Variants in H2AC11 observed in about 807,000 individuals in gnomAD.
H2AC11 encodes H2A clustered histone 11.
A neutral mutation model predicts 5.9 loss-of-function variants in H2AC11; 8 were observed. That is an observed-to-expected ratio of 1.35 (90% CI 0.79 to 2.44). The LOEUF (loss-of-function observed/expected upper bound fraction) is 2.44, where lower values mean the gene tolerates loss of function less well. Among genes scored for constraint, H2AC11 ranks in the 30% most tolerant of loss-of-function variants. The probability of loss-of-function intolerance (pLI) is 0.00; values close to 1 mark genes in which losing one functional copy is unlikely to be tolerated. For synonymous variants in H2AC11, 161 were observed against 81.9 expected, an observed-to-expected ratio of 1.96 and a Z score of -5.21; for missense variants, 189 against 178.6, an observed-to-expected ratio of 1.06 and a Z score of -0.33.
chr6:27,133,115 C>G lies in H2AC11; in HGVS notation c.44C>G (p.Ala15Gly). The change falls in exon 1 of 1, where the codon GCC (alanine) becomes GGC (glycine). Residue 15 changes from alanine to glycine, a missense_variant. By Grantham distance (60) the Ala-to-Gly change is moderately conservative (BLOSUM62 0). Coordinates refer to ENST00000359193, the MANE Select transcript of H2AC11 (RefSeq NM_021064.5). Reference protein sequence around the residue: ...GKQGGKARAKAKTRSSRAGLQ... With the variant: ...GKQGGKARAKGKTRSSRAGLQ... ...CAGGGAGGCAAAGCCCGCGCTAAGGCCAAGACTCGCTCTTCTAGGGCCGGT... is the reference window on the plus strand; with the variant it reads ...CAGGGAGGCAAAGCCCGCGCTAAGGGCAAGACTCGCTCTTCTAGGGCCGGT... 1 of 1,613,910 alleles carries G rather than the reference C, an allele frequency of 6.2e-7. No individual in the cohort carries two copies. Among genetic ancestry groups the G allele is most frequent in the Non-Finnish European group, 8.5e-7 (1 of 1,179,898 alleles).
Position 27,133,043 on chromosome 6 carries a change from G to T in H2AC11, c.-29G>T, listed in dbSNP as rs750824357. 2.0e-5 allele frequency: 31 copies of T among 1,582,616 alleles called. No homozygotes were observed. The East Asian group carries it at 7.0e-4, about 36-fold the overall frequency. Reference sequence around the variant, plus strand: ...AAGCGCCGCCTTTCCCGTTCACTTTGTGGTTGCTCGTAGTGAGTTGCGCTC... The same window carrying T: ...AAGCGCCGCCTTTCCCGTTCACTTTTTGGTTGCTCGTAGTGAGTTGCGCTC... On this transcript the variant is annotated 5_prime_UTR_variant, in exon 1 of 1. Coordinates refer to ENST00000359193, the MANE Select transcript of H2AC11 (RefSeq NM_021064.5).
Position 27,133,214 on chromosome 6 carries a change from C to T in H2AC11, c.143C>T (p.Ala48Val). The T allele has an allele frequency of 6.2e-7, 1 of 1,614,038 alleles. No individual in the cohort carries two copies. Reference protein sequence around the residue: ...GNYAERVGAGAPVYLAAVLEY... With the variant: ...GNYAERVGAGVPVYLAAVLEY... ...TATGCCGAGCGGGTCGGGGCCGGCGCGCCGGTGTATCTGGCAGCGGTGCTG... is the reference window on the plus strand; with the variant it reads ...TATGCCGAGCGGGTCGGGGCCGGCGTGCCGGTGTATCTGGCAGCGGTGCTG... Residue 48 changes from alanine to valine, a missense_variant, in exon 1 of 1, where the codon GCG becomes GTG. Ala to Val is a moderately conservative substitution (Grantham distance 64, BLOSUM62 0). Transcript: ENST00000359193.
rs994761497 is a variant in H2AC11 at position 27,133,365 on chromosome 6, G to A, written c.294G>A (p.Leu98=). Residue 98 remains leucine (L), a synonymous_variant, in exon 1 of 1, where the codon CTG becomes CTA. Coordinates refer to ENST00000359193, the MANE Select transcript of H2AC11 (RefSeq NM_021064.5). ...IRNDEELNKL[L]GKVTIAQGGV... ...ACGACGAGGAGCTCAACAAGCTGCT[G>A]GGCAAAGTCACCATCGCACAGGGCG... 2.5e-6 allele frequency: 4 copies of A among 1,614,086 alleles called. No individual in the cohort carries two copies. The highest frequency in any genetic ancestry group is 2.7e-5 in the African/African-American group (2 of 74,932).
chr6:27,133,061 T>G lies in H2AC11; in HGVS notation c.-11T>G. 1.2e-6 allele frequency: 2 copies of G among 1,601,604 alleles called. No individual in the cohort carries two copies. The highest frequency in any genetic ancestry group is 2.2e-5 in the East Asian group (1 of 44,686). The stretch of plus-strand genomic sequence containing the variant: ...TCACTTTGTGGTTGCTCGTAGTGAG[T>G]TGCGCTCGCTATGTCTGGACGTGGC... On this transcript the variant is annotated 5_prime_UTR_variant, in exon 1 of 1. Coordinates refer to ENST00000359193, the MANE Select transcript of H2AC11 (RefSeq NM_021064.5).
chr6:27,133,438 A>G lies in H2AC11; in HGVS notation c.367A>G (p.Ser123Gly). The change falls in exon 1 of 1, where the codon AGC (serine) becomes GGC (glycine). Residue 123 changes from serine to glycine, a missense_variant. Coordinates refer to ENST00000359193, the MANE Select transcript of H2AC11 (RefSeq NM_021064.5). ...CGTGCTACTGCCCAAAAAGACTGAG[A>G]GCCACCACAAGGCGAAGGGCAAGTA... Reference protein sequence around the residue: ...QAVLLPKKTESHHKAKGK With the variant: ...QAVLLPKKTEGHHKAKGK 1.2e-6 allele frequency: 2 copies of G among 1,614,188 alleles called. No homozygotes were observed. The highest frequency in any genetic ancestry group is 1.7e-6 in the Non-Finnish European group (2 of 1,179,978).
chr6:27,133,079 G>A lies in H2AC11; in HGVS notation c.8G>A (p.Gly3Glu). MS[G>E]RGKQGGKARA... ...TAGTGAGTTGCGCTCGCTATGTCTG[G>A]ACGTGGCAAGCAGGGAGGCAAAGCC... The change falls in exon 1 of 1, where the codon GGA (glycine) becomes GAA (glutamate). Residue 3 changes from glycine (G) to glutamate (E), a missense_variant. Transcript: ENST00000359193. 1 of 1,611,392 alleles carries A rather than the reference G, an allele frequency of 6.2e-7. No homozygotes were observed. Among genetic ancestry groups the A allele is most frequent in the Non-Finnish European group, 8.5e-7 (1 of 1,178,288 alleles).
chr6:27,133,179 C>G lies in H2AC11; in HGVS notation c.108C>G (p.Arg36=), dbSNP rs1185086066. 1 of 1,614,114 alleles carries G rather than the reference C, an allele frequency of 6.2e-7. No individual in the cohort carries two copies. The highest frequency in any genetic ancestry group is 1.7e-5 in the Admixed American group (1 of 60,032). The change falls in exon 1 of 1, where the codon CGC becomes CGG. Residue 36 remains arginine (R), a synonymous_variant. Coordinates refer to ENST00000359193, the MANE Select transcript of H2AC11 (RefSeq NM_021064.5). ...FPVGRVHRLL[R]KGNYAERVGA... Reference sequence around the variant, plus strand: ...TGGGCCGAGTGCACCGCCTGCTCCGCAAAGGCAACTATGCCGAGCGGGTCG... The same window carrying G: ...TGGGCCGAGTGCACCGCCTGCTCCGGAAAGGCAACTATGCCGAGCGGGTCG...
In H2AC11 at chr6:27,133,194, C is replaced by A. The variant is rs751767269; in HGVS notation, c.123C>A (p.Ala41=). 11 of 1,614,066 alleles carry A rather than the reference C, an allele frequency of 6.8e-6. No homozygotes were observed. Among genetic ancestry groups the A allele is most frequent in the Non-Finnish European group, 8.5e-6 (10 of 1,180,004 alleles). The part of the protein sequence containing the change: ...VHRLLRKGNY[A]ERVGAGAPVY... Reference sequence around the variant, plus strand: ...GCCTGCTCCGCAAAGGCAACTATGCCGAGCGGGTCGGGGCCGGCGCGCCGG... The same window carrying A: ...GCCTGCTCCGCAAAGGCAACTATGCAGAGCGGGTCGGGGCCGGCGCGCCGG... Residue 41 remains alanine, a synonymous_variant, in exon 1 of 1, where the codon GCC becomes GCA. Coordinates refer to ENST00000359193, the MANE Select transcript of H2AC11 (RefSeq NM_021064.5).
In H2AC11 at chr6:27,133,524, C is replaced by G; in HGVS notation, c.*60C>G. 6.4e-7 allele frequency: 1 copy of G among 1,561,400 alleles called. No homozygotes were observed. Among genetic ancestry groups the G allele is most frequent in the South Asian group, 1.2e-5 (1 of 84,718 alleles). ...TCGAGTCCAAACCAACGGCTCTTTT[C>G]AGGGCCACCCACGTCTTCTCTAAAA... On this transcript the variant is annotated 3_prime_UTR_variant, in exon 1 of 1. Transcript: ENST00000359193.
chr6:27,133,416 G>T lies in H2AC11; in HGVS notation c.345G>T (p.Val115=), dbSNP rs561275841. 6.2e-7 allele frequency: 1 copy of T among 1,614,218 alleles called. No homozygotes were observed. Among genetic ancestry groups the T allele is most frequent in the Non-Finnish European group, 8.5e-7 (1 of 1,180,032 alleles). The change falls in exon 1 of 1, where the codon GTG becomes GTT. Residue 115 remains valine (V), a synonymous_variant. Coordinates refer to ENST00000359193, the MANE Select transcript of H2AC11 (RefSeq NM_021064.5). The part of the protein sequence containing the change: ...QGGVLPNIQA[V]LLPKKTESHH... ...GTGTCCTGCCCAACATTCAGGCCGT[G>T]CTACTGCCCAAAAAGACTGAGAGCC...
rs1327855564 is a variant in H2AC11, at chr6:27,133,105, C to A, written c.34C>A (p.Arg12Ser). ...ACGTGGCAAGCAGGGAGGCAAAGCC[C>A]GCGCTAAGGCCAAGACTCGCTCTTC... Reference protein sequence around the residue: ...SGRGKQGGKARAKAKTRSSRA... With the variant: ...SGRGKQGGKASAKAKTRSSRA... The change falls in exon 1 of 1, where the codon CGC becomes AGC. Residue 12 changes from arginine (R) to serine (S), a missense_variant. Physicochemically the swap from Arg to Ser is moderately radical, Grantham distance 110 (BLOSUM62 -1). Coordinates refer to ENST00000359193, the MANE Select transcript of H2AC11 (RefSeq NM_021064.5). 1 of 1,613,438 alleles carries A rather than the reference C, an allele frequency of 6.2e-7. No homozygotes were observed. Among genetic ancestry groups the A allele is most frequent in the Non-Finnish European group, 8.5e-7 (1 of 1,179,600 alleles).
Position 27,133,180 on chromosome 6 carries a change from A to C in H2AC11, c.109A>C (p.Lys37Gln). Reference sequence around the variant, plus strand: ...GGGCCGAGTGCACCGCCTGCTCCGCAAAGGCAACTATGCCGAGCGGGTCGG... The same window carrying C: ...GGGCCGAGTGCACCGCCTGCTCCGCCAAGGCAACTATGCCGAGCGGGTCGG... ...PVGRVHRLLR[K>Q]GNYAERVGAG... Residue 37 changes from lysine to glutamine, a missense_variant, in exon 1 of 1, where the codon AAA (lysine) becomes CAA (glutamine). By Grantham distance (53) the Lys-to-Gln change is moderately conservative (BLOSUM62 1). Coordinates refer to ENST00000359193, the MANE Select transcript of H2AC11 (RefSeq NM_021064.5). 4 of 1,614,106 alleles carry C rather than the reference A, an allele frequency of 2.5e-6. No individual in the cohort carries two copies. The highest frequency in any genetic ancestry group is 3.4e-6 in the Non-Finnish European group (4 of 1,180,008).
Position 27,133,185 on chromosome 6 carries a change from C to G in H2AC11, c.114C>G (p.Gly38=). Residue 38 remains glycine (G), a synonymous_variant, in exon 1 of 1, where the codon GGC becomes GGG. Coordinates refer to ENST00000359193, the MANE Select transcript of H2AC11 (RefSeq NM_021064.5). The part of the protein sequence containing the change: ...VGRVHRLLRK[G]NYAERVGAGA... ...GAGTGCACCGCCTGCTCCGCAAAGGCAACTATGCCGAGCGGGTCGGGGCCG... is the reference window on the plus strand; with the variant it reads ...GAGTGCACCGCCTGCTCCGCAAAGGGAACTATGCCGAGCGGGTCGGGGCCG... 1 of 1,614,092 alleles carries G rather than the reference C, an allele frequency of 6.2e-7. No homozygotes were observed. Among genetic ancestry groups the G allele is most frequent in the Non-Finnish European group, 8.5e-7 (1 of 1,180,002 alleles).
In H2AC11 at chr6:27,133,458, C is replaced by T. The variant is rs753570412; in HGVS notation, c.387C>T (p.Gly129=). The T allele has an allele frequency of 3.0e-5, 48 of 1,613,758 alleles. No homozygotes were observed. The highest frequency in any genetic ancestry group is 3.7e-5 in the Non-Finnish European group (44 of 1,179,786). ...KKTESHHKAK[G]K is the part of the protein sequence containing the mutation. ...CTGAGAGCCACCACAAGGCGAAGGG[C>T]AAGTAACTATCTGTACTAGTTTGTG... Residue 129 remains glycine (G), a synonymous_variant, in exon 1 of 1, where the codon GGC becomes GGT. Transcript: ENST00000359193.
At position 27,133,510 on chromosome 6, in the gene H2AC11, C is replaced by T. The variant is rs1277841593; in HGVS notation, c.*46C>T. 1.3e-6 allele frequency: 2 copies of T among 1,587,026 alleles called. No homozygotes were observed. Among genetic ancestry groups the T allele is most frequent in the African/African-American group, 2.7e-5 (2 of 74,130 alleles). The stretch of plus-strand genomic sequence containing the variant: ...CAGCTCAAGTAAAATCGAGTCCAAA[C>T]CAACGGCTCTTTTCAGGGCCACCCA... On this transcript the variant is annotated 3_prime_UTR_variant, in exon 1 of 1. Transcript: ENST00000359193.
Position 27,133,056 on chromosome 6 carries a change from G to A in H2AC11, c.-16G>A, listed in dbSNP as rs781047192. 3 of 1,597,084 alleles carry A rather than the reference G, an allele frequency of 1.9e-6. No individual in the cohort carries two copies. In the South Asian group the frequency reaches 3.4e-5, roughly 18 times the overall value. ...CCCGTTCACTTTGTGGTTGCTCGTA[G>A]TGAGTTGCGCTCGCTATGTCTGGAC... On this transcript the variant is annotated 5_prime_UTR_variant, in exon 1 of 1. In the 5' UTR this introduces an upstream ATG that the reference lacks. Coordinates refer to ENST00000359193, the MANE Select transcript of H2AC11 (RefSeq NM_021064.5).
chr6:27,133,312 C>A lies in H2AC11; in HGVS notation c.241C>A (p.Pro81Thr), dbSNP rs755817593. Reference protein sequence around the residue: ...ARDNKKTRIIPRHLQLAIRND... With the variant: ...ARDNKKTRIITRHLQLAIRND... Reference sequence around the variant, plus strand: ...CGACAACAAGAAGACCCGCATCATCCCGCGTCATCTCCAACTGGCCATCCG... The same window carrying A: ...CGACAACAAGAAGACCCGCATCATCACGCGTCATCTCCAACTGGCCATCCG... Residue 81 changes from proline to threonine, a missense_variant, in exon 1 of 1, where the codon CCG becomes ACG. Coordinates refer to ENST00000359193, the MANE Select transcript of H2AC11 (RefSeq NM_021064.5). 1 of 1,614,192 alleles carries A rather than the reference C, an allele frequency of 6.2e-7. No homozygotes were observed. The highest frequency in any genetic ancestry group is 1.7e-5 in the Admixed American group (1 of 60,026).
In H2AC11 at chr6:27,133,093, G is replaced by A; in HGVS notation, c.22G>A (p.Gly8Arg). Residue 8 changes from glycine to arginine, a missense_variant, in exon 1 of 1, where the codon GGA becomes AGA. Transcript: ENST00000359193. ...CGCTATGTCTGGACGTGGCAAGCAG[G>A]GAGGCAAAGCCCGCGCTAAGGCCAA... MSGRGKQ[G>R]GKARAKAKTR... 1 of 1,612,916 alleles carries A rather than the reference G, an allele frequency of 6.2e-7. No individual in the cohort carries two copies. The highest frequency in any genetic ancestry group is 8.5e-7 in the Non-Finnish European group (1 of 1,179,292).
chr6:27,133,075 T>G lies in H2AC11; in HGVS notation c.4T>G (p.Ser2Ala), dbSNP rs755987256. Residue 2 changes from serine (S) to alanine (A), a missense_variant, in exon 1 of 1, where the codon TCT becomes GCT. Ser to Ala is a moderately conservative substitution (Grantham distance 99). Transcript: ENST00000359193. M[S>A]GRGKQGGKAR... ...CTCGTAGTGAGTTGCGCTCGCTATG[T>G]CTGGACGTGGCAAGCAGGGAGGCAA... 5 of 1,610,922 alleles carry G rather than the reference T, an allele frequency of 3.1e-6. No homozygotes were observed. The highest frequency in any genetic ancestry group is 4.2e-6 in the Non-Finnish European group (5 of 1,178,024).
Sources: gnomAD v4.1 joint callset for allele counts on GRCh38, gnomAD v4.1.1 for gene constraint, MANE v1.5 for transcripts, NCBI Gene and HGNC (gene_info 2026-07-23, HGNC 2026-07-21) for gene names.